PGGT1B: variants seen among roughly 807,000 people sequenced by gnomAD.
PGGT1B encodes geranylgeranyl transferase type-1 subunit beta.
A neutral mutation model predicts 46.1 loss-of-function variants in PGGT1B; 30 were observed. The observed-to-expected ratio is 0.65, with a 90% CI of 0.49 to 0.88. The LOEUF (loss-of-function observed/expected upper bound fraction) is 0.88, where lower values mean the gene tolerates loss of function less well. PGGT1B is among the 40% of genes least tolerant of loss of function. The probability of loss-of-function intolerance (pLI) is 0.00; values close to 1 mark genes in which losing one functional copy is unlikely to be tolerated. For missense variants in PGGT1B, 376 were observed against 455.9 expected (o/e 0.82, Z 1.60); for synonymous variants, 170 against 160.0 (o/e 1.06, Z -0.47).
chr5:115,235,735 A>C (rs1001834119), intron 5 of PGGT1B, among the ~76,000 whole-genome samples: 1 of 152,132 alleles, frequency 6.6e-6, no homozygotes, highest in Non-Finnish European at 1.5e-5. Flanking sequence ...AATCTACAAA[A>C]ATATGATCCA....
At chr5:115,230,889 C>A (rs1756957465) in intron 6 of PGGT1B, 87 bp downstream of exon 6, 1 of 793,208 alleles carries the variant, frequency 1.3e-6, no homozygotes, top group Admixed American at 2.4e-5. Flanking sequence ...TTGAGAAAAA[C>A]TTCTGAGGTT....
At chr5:115,218,733 A>G (rs941980018) in intron 7 of PGGT1B, among the ~76,000 whole-genome samples, 13 of 151,956 alleles carry the variant, frequency 8.6e-5, no homozygotes, top group African/African-American at 3.1e-4. Context: ...TCTTAATGCC[A>G]TAATTGATTT....
chr5:115,244,241 G>A (rs949069179), intron 2 of PGGT1B, among the ~76,000 whole-genome samples: 5 of 151,520 alleles, frequency 3.3e-5, no homozygotes, highest in Admixed American at 6.6e-5. Flanking sequence ...CGAGACGGGC[G>A]GATCACGAGG....
chr5:115,238,801 C>T (rs1275916787), intron 3 of PGGT1B, among the ~76,000 whole-genome samples: 4 of 152,058 alleles, frequency 2.6e-5, no homozygotes, highest in East Asian at 3.9e-4. Flanking sequence ...GTTATTGTGA[C>T]GATTAAGTAA....
At chr5:115,220,539 T>C (rs1016391392) in intron 7 of PGGT1B, among the ~76,000 whole-genome samples, 1 of 151,906 alleles carries the variant, frequency 6.6e-6, no homozygotes, top group Non-Finnish European at 1.5e-5. Context: ...TTACACAACA[T>C]TGTAAATGGA....
rs986760754 is a variant in PGGT1B, at chr5:115,209,970, A to G, written c.*2432T>C. On this transcript the variant is annotated 3_prime_UTR_variant, in exon 9 of 9. Transcript: ENST00000419445. Reference sequence around the variant, plus strand: ...GCACCTCCTCATTAACTGTCTCTCAAAAATGATCAGGTCCAACAGTTTTCA... The same window carrying G: ...GCACCTCCTCATTAACTGTCTCTCAGAAATGATCAGGTCCAACAGTTTTCA... The G allele has an allele frequency of 2.6e-5, 4 of 152,084 alleles. No individual in the cohort carries two copies. The highest frequency in any genetic ancestry group is 7.2e-5 in the African/African-American group (3 of 41,426). The allele number at this position is 152,084 out of a possible 1,614,324, so 9.4% of individuals were successfully genotyped here. A position where few individuals can be genotyped will look rare whatever the true frequency, so the allele number is the denominator to read the frequency against.
In PGGT1B at chr5:115,221,957, T is replaced by C. The variant is rs753100557; in HGVS notation, c.710A>G (p.Glu237Gly). The C allele has an allele frequency of 6.2e-7, 1 of 1,604,724 alleles. No individual in the cohort carries two copies. The highest frequency in any genetic ancestry group is 8.5e-7 in the Non-Finnish European group (1 of 1,176,070). Residue 237 changes from glutamate to glycine, a missense_variant, in exon 7 of 9, where the codon GAA becomes GGA. Transcript: ENST00000419445. ...CAATTCTTTTTCTGAAAAAACTTCT[T>C]CTAGTTTACCCATCAGACATAGTGA... The part of the protein sequence containing the change: ...IASLCLMGKL[E>G]EVFSEKELNR...
At chr5:115,242,780 A>T (rs1757386068) in intron 2 of PGGT1B, among the ~76,000 whole-genome samples, 1 of 152,210 alleles carries the variant, frequency 6.6e-6, no homozygotes, top group Admixed American at 6.5e-5. Context: ...CAGCCTGGTC[A>T]ACATGGTAAA....
intron 1 of PGGT1B, among the ~76,000 whole-genome samples, chr5:115,254,545 A>G (rs1748233897): frequency 6.6e-6 from 1 of 151,254 alleles, no homozygotes; most frequent in Non-Finnish European, 1.5e-5. Context: ...TTTTTGGATT[A>G]GGGATGCTCA....
intron 5 of PGGT1B, among the ~76,000 whole-genome samples, chr5:115,234,890 ATGCC>A (rs1188837305): frequency 6.6e-6 from 1 of 152,080 alleles, no homozygotes; most frequent in African/African-American, 2.4e-5. Context: ...CTGTAAGGGG[ATGCC>A]TATGTACACA....
intron 4 of PGGT1B, among the ~76,000 whole-genome samples, chr5:115,237,194 G>C (rs1376703237): frequency 6.6e-6 from 1 of 152,112 alleles, no homozygotes; most frequent in Non-Finnish European, 1.5e-5. Context: ...CCCTCATCAA[G>C]AGCAGTGTTT....
chr5:115,233,253 G>A (rs1474700835), intron 5 of PGGT1B, among the ~76,000 whole-genome samples: 2 of 151,226 alleles, frequency 1.3e-5, no homozygotes, highest in African/African-American at 4.9e-5. Flanking sequence ...AATAAAAAAC[G>A]AAATTAAAAG....
chr5:115,244,840 C>T lies in PGGT1B; in HGVS notation c.260-3234G>A, dbSNP rs184849985. ...TCCTGACCTCAAGTGATCTGCCTGT[C>T]TTGGCCTCCCAAAGTACTGGGATTA... On this transcript the variant is annotated intron_variant, in intron 2 of 8. Transcript: ENST00000419445. Among the ~76,000 whole-genome samples, 86 of 152,234 alleles carry T rather than the reference C, an allele frequency of 5.6e-4. 1 individual carries two copies. The East Asian group carries it at 0.015, about 26-fold the overall frequency.
chr5:115,244,517 A>G (rs541422515), intron 2 of PGGT1B, among the ~76,000 whole-genome samples: 4 of 149,440 alleles, frequency 2.7e-5, no homozygotes, highest in African/African-American at 9.9e-5. Context: ...CACCCCCCAT[A>G]TTCCAAATTG....
intron 5 of PGGT1B, among the ~76,000 whole-genome samples, chr5:115,234,307 G>A (rs1294091479): frequency 2.0e-5 from 3 of 151,432 alleles, no homozygotes; most frequent in Non-Finnish European, 4.4e-5. Flanking sequence ...ATGTAAGAAA[G>A]ATAAACTGAA....
intron 2 of PGGT1B, among the ~76,000 whole-genome samples, chr5:115,251,546 CAG>C (rs1005962539): frequency 2.0e-5 from 3 of 151,992 alleles, no homozygotes; most frequent in African/African-American, 7.2e-5. Context: ...GAAGAAAAGA[CAG>C]AAAGTAGGAA....
intron 3 of PGGT1B, 118 bp from the exon 4 acceptor site, chr5:115,238,127 G>A: frequency 1.7e-6 from 1 of 575,254 alleles, no homozygotes; most frequent in Non-Finnish European, 2.9e-6. Context: ...ATACTGATTT[G>A]TATAGACATC....
Position 115,212,207 on chromosome 5 carries a change from A to G in PGGT1B, c.*195T>C. Reference sequence around the variant, plus strand: ...AAGAACCACGACAAAGTTGTGGTTCAAACTTCAACAAAGATTTTCTTGAAA... The same window carrying G: ...AAGAACCACGACAAAGTTGTGGTTCGAACTTCAACAAAGATTTTCTTGAAA... On this transcript the variant is annotated 3_prime_UTR_variant, in exon 9 of 9. Coordinates refer to ENST00000419445, the MANE Select transcript of PGGT1B (RefSeq NM_005023.4). 1 of 1,018,624 alleles carries G rather than the reference A, an allele frequency of 9.8e-7. No homozygotes were observed. Among genetic ancestry groups the G allele is most frequent in the Non-Finnish European group, 1.4e-6 (1 of 736,300 alleles). The allele number at this position is 1,018,624 out of a possible 1,614,324, so 63.1% of individuals were successfully genotyped here.
rs1287854741 is a variant in PGGT1B at position 115,230,965 on chromosome 5, A to C, written c.658+11T>G. On this transcript the variant is annotated intron_variant, in intron 6 of 8. Coordinates refer to ENST00000419445, the MANE Select transcript of PGGT1B (RefSeq NM_005023.4). Reference sequence around the variant, plus strand: ...AAGAAACTACATGTTCACTTATTTAAGATGTCTTACCATGAGATTCAAGTC... The same window carrying C: ...AAGAAACTACATGTTCACTTATTTACGATGTCTTACCATGAGATTCAAGTC... The C allele has an allele frequency of 6.5e-7, 1 of 1,533,440 alleles. No homozygotes were observed. The highest frequency in any genetic ancestry group is 1.2e-5 in the South Asian group (1 of 86,670). The allele number at this position is 1,533,440 out of a possible 1,614,324, so 95.0% of individuals were successfully genotyped here.
Sources: allele counts gnomAD v4.1 joint callset (sites outside exome capture counted in the v4.1 genomes callset), GRCh38; gene constraint gnomAD v4.1.1; transcripts MANE v1.5; gene names NCBI Gene and HGNC (gene_info 2026-07-23, HGNC 2026-07-21).